The following ITPR1 variants were observed in gnomAD, a reference collection of about 807,000 sequenced individuals.
ITPR1 encodes inositol 1,4,5-trisphosphate-gated calcium channel ITPR1.
In ITPR1, 96 loss-of-function variants were observed where a neutral mutation model predicts 318.4. The ratio of observed to expected loss-of-function variants is 0.30; its 90% confidence interval spans 0.26 to 0.36. The LOEUF is 0.36. Among genes scored for constraint, ITPR1 ranks in the 10% least tolerant of loss-of-function variants. The pLI is 1.00. For missense variants in ITPR1, 2,440 were observed against 3,460.2 expected, an observed-to-expected ratio of 0.71 and a Z score of 7.40; for synonymous variants, 1,312 against 1,289.9, an observed-to-expected ratio of 1.02 and a Z score of -0.37.
chr3:4,527,669 A>G (rs1245296731), intron 4 of ITPR1, among the ~76,000 whole-genome samples: 2 of 152,208 alleles, frequency 1.3e-5, no homozygotes, highest in African/African-American at 4.8e-5. Flanking sequence ...GCTAGAAATA[A>G]TGACAGTCTG....
chr3:4,607,997 G>A (rs868548990), intron 4 of ITPR1, among the ~76,000 whole-genome samples: 4 of 152,166 alleles, frequency 2.6e-5, no homozygotes, highest in East Asian at 3.9e-4. Context: ...CTTTACAAAG[G>A]GTTGAGTTTT....
intron 51 of ITPR1, among the ~76,000 whole-genome samples, chr3:4,784,915 A>G (rs1480362154): frequency 6.6e-6 from 1 of 152,026 alleles, no homozygotes; most frequent in Non-Finnish European, 1.5e-5. Flanking sequence ...AAAAAGTGTC[A>G]TGATGCATTG....
At chr3:4,585,335 T>C (rs1263258845) in intron 4 of ITPR1, among the ~76,000 whole-genome samples, 1 of 152,236 alleles carries the variant, frequency 6.6e-6, no homozygotes, top group East Asian at 1.9e-4. Flanking sequence ...GTTCTGTCTC[T>C]CAGTTGGATT....
chr3:4,760,361 G>A (rs893086103), intron 44 of ITPR1, among the ~76,000 whole-genome samples: 2 of 152,218 alleles, frequency 1.3e-5, no homozygotes, highest in Non-Finnish European at 2.9e-5. Context: ...TCAGAAGGTG[G>A]CCCCTCTACA....
At chr3:4,605,836 T>C (rs897584916) in intron 4 of ITPR1, among the ~76,000 whole-genome samples, 2 of 152,164 alleles carry the variant, frequency 1.3e-5, no homozygotes, top group Non-Finnish European at 2.9e-5. Flanking sequence ...CCTGGTCTTC[T>C]GGTTGTTCTC....
intron 56 of ITPR1, chr3:4,812,919 G>A: frequency 3.6e-6 from 2 of 560,086 alleles, no homozygotes; most frequent in South Asian, 2.0e-5. Context: ...CTATTTAAGT[G>A]CGATATTTCT....
intron 4 of ITPR1, among the ~76,000 whole-genome samples, chr3:4,533,792 C>T (rs1441637156): frequency 6.6e-6 from 1 of 152,192 alleles, no homozygotes; most frequent in Non-Finnish European, 1.5e-5. Context: ...GCTTTTCTCT[C>T]CTCGCACGAG....
intron 4 of ITPR1, among the ~76,000 whole-genome samples, chr3:4,522,203 A>G (rs763784141): frequency 2.0e-5 from 3 of 152,170 alleles, no homozygotes; most frequent in East Asian, 3.9e-4. Flanking sequence ...TTATTTATCA[A>G]TTAAGGTAAC....
At chr3:4,815,584 G>T (rs1389824242) in intron 59 of ITPR1, among the ~76,000 whole-genome samples, 1 of 152,100 alleles carries the variant, frequency 6.6e-6, no homozygotes, top group African/African-American at 2.4e-5. Context: ...AACACTCCTA[G>T]CTAGAACCTG....
At chr3:4,576,019 C>CAA (rs35517382) in intron 4 of ITPR1, among the ~76,000 whole-genome samples, 3 of 80,766 alleles carry the variant, frequency 3.7e-5, no homozygotes, top group African/African-American at 7.6e-5. Flanking sequence ...GATGCTGTCT[C>CAA]AAAAAAAAAA....
intron 10 of ITPR1, among the ~76,000 whole-genome samples, chr3:4,647,877 C>T (rs999310322): frequency 9.2e-5 from 14 of 152,260 alleles, no homozygotes; most frequent in African/African-American, 3.1e-4. Flanking sequence ...TTCAGCCGGA[C>T]ATGGTGGCTC....
chr3:4,577,217 G>T (rs1413839951), intron 4 of ITPR1, among the ~76,000 whole-genome samples: 3 of 152,224 alleles, frequency 2.0e-5, no homozygotes, highest in Non-Finnish European at 4.4e-5. Context: ...GAGCCACACG[G>T]CTCTCTGTGC....
chr3:4,719,837 G>A (rs1177900469), intron 40 of ITPR1, among the ~76,000 whole-genome samples: 2 of 152,126 alleles, frequency 1.3e-5, no homozygotes, highest in Non-Finnish European at 1.5e-5. Context: ...AGGAGGGGTT[G>A]TTTGTTTTTT....
Position 4,814,578 on chromosome 3 carries a change from G to A in ITPR1, c.7701+16G>A, listed in dbSNP as rs768706698. ...GTCCAAAGAGGTAAATTAATCCCGA[G>A]GGGAAGGAAGGGCAAAGGGGGCGGG... On this transcript the variant is annotated intron_variant, in intron 58 of 61. Transcript: ENST00000649015. 2.6e-6 allele frequency: 4 copies of A among 1,556,998 alleles called. No individual in the cohort carries two copies. Among genetic ancestry groups the A allele is most frequent in the Non-Finnish European group, 3.5e-6 (4 of 1,133,792 alleles).
intron 5 of ITPR1, among the ~76,000 whole-genome samples, chr3:4,636,114 T>G (rs1055271580): frequency 1.3e-5 from 2 of 152,164 alleles, no homozygotes; most frequent in African/African-American, 4.8e-5. Flanking sequence ...CCCAAAGTGC[T>G]GGGATTACAG....
intron 4 of ITPR1, among the ~76,000 whole-genome samples, chr3:4,545,028 T>C (rs979489948): frequency 2.6e-5 from 4 of 152,086 alleles, no homozygotes. Flanking sequence ...ACTCCTGGGC[T>C]CTAGCAATCC....
chr3:4,714,340 C>T (rs1574978623), intron 39 of ITPR1, among the ~76,000 whole-genome samples: 2 of 152,158 alleles, frequency 1.3e-5, no homozygotes, highest in Admixed American at 6.5e-5. Flanking sequence ...TCCTCCCATC[C>T]CTGTTTTCTG....
intron 5 of ITPR1, 35 bp from the exon 6 acceptor site, chr3:4,639,349 C>T: frequency 6.8e-7 from 1 of 1,479,600 alleles, no homozygotes; most frequent in East Asian, 2.5e-5. Context: ...CACATGGTTT[C>T]CTCTTTGTGA....
intron 60 of ITPR1, among the ~76,000 whole-genome samples, chr3:4,819,644 C>G (rs1241288460): frequency 6.6e-6 from 1 of 152,170 alleles, no homozygotes; most frequent in East Asian, 1.9e-4. Context: ...CCTCTCACCT[C>G]TAGTATTGTA....
Sources: allele counts gnomAD v4.1 joint callset (sites outside exome capture counted in the v4.1 genomes callset), GRCh38; gene constraint gnomAD v4.1.1; transcripts MANE v1.5; gene names NCBI Gene and HGNC (gene_info 2026-07-23, HGNC 2026-07-21).